Variants in TSHZ2 observed in about 807,000 individuals in gnomAD.
TSHZ2 encodes teashirt zinc finger homeobox 2.
A neutral mutation model predicts 74.4 loss-of-function variants in TSHZ2; 21 were observed. The ratio of observed to expected loss-of-function variants is 0.28; its 90% CI spans 0.20 to 0.41. TSHZ2 has a LOEUF of 0.41. Among genes scored for constraint, TSHZ2 ranks in the 10% least tolerant of loss-of-function variants. The pLI is 1.00. For synonymous variants in TSHZ2, 540 were observed against 515.3 expected (o/e 1.05, Z -0.65); for missense variants, 1,244 against 1,293.5 (o/e 0.96, Z 0.59).
chr20:53,238,699 G>A (rs759731328), intron 1 of TSHZ2, among the ~76,000 whole-genome samples: 15 of 151,898 alleles, frequency 9.9e-5, no homozygotes, highest in Non-Finnish European at 2.1e-4. Flanking sequence ...AGATGCACTG[G>A]GGTACCATGA....
chr20:53,096,024 G>T (rs1986032357), intron 1 of TSHZ2, among the ~76,000 whole-genome samples: 1 of 152,130 alleles, frequency 6.6e-6, no homozygotes, highest in Non-Finnish European at 1.5e-5. Flanking sequence ...ACCCCAAAGG[G>T]CCCAGCCAAT....
intron 1 of TSHZ2, among the ~76,000 whole-genome samples, chr20:53,169,778 G>T (rs1454784285): frequency 6.6e-6 from 1 of 152,168 alleles, no homozygotes; most frequent in African/African-American, 2.4e-5. Context: ...ATAGAAATTT[G>T]CATATCAATT....
chr20:53,062,958 C>T (rs1184427240), intron 1 of TSHZ2, among the ~76,000 whole-genome samples: 3 of 151,950 alleles, frequency 2.0e-5, no homozygotes, highest in Non-Finnish European at 4.4e-5. Context: ...TATTAATTGG[C>T]CCAATTTCCC....
intron 2 of TSHZ2, among the ~76,000 whole-genome samples, chr20:53,297,726 C>T (rs1991406282): frequency 6.6e-6 from 1 of 152,158 alleles, no homozygotes; most frequent in Admixed American, 6.5e-5. Flanking sequence ...TTGTCCAAGC[C>T]CCACTTTCCT....
intron 2 of TSHZ2, among the ~76,000 whole-genome samples, chr20:53,269,573 A>G (rs1459247670): frequency 6.6e-6 from 1 of 152,182 alleles, no homozygotes; most frequent in Admixed American, 6.5e-5. Context: ...TCATGATGAT[A>G]TGATGATGGT....
chr20:53,366,148 T>C (rs1292025043), intron 2 of TSHZ2, among the ~76,000 whole-genome samples: 1 of 152,180 alleles, frequency 6.6e-6, no homozygotes, highest in African/African-American at 2.4e-5. Flanking sequence ...AAGAGAGTTA[T>C]TTGGATCATT....
chr20:53,005,026 G>A (rs938168289), intron 1 of TSHZ2, among the ~76,000 whole-genome samples: 3 of 152,066 alleles, frequency 2.0e-5, no homozygotes, highest in Non-Finnish European at 4.4e-5. Context: ...AAGAAGCCAG[G>A]TTTAAGCCGG....
intron 2 of TSHZ2, among the ~76,000 whole-genome samples, chr20:53,484,593 C>A (rs1986245050): frequency 6.6e-6 from 1 of 151,962 alleles, no homozygotes. Flanking sequence ...GCCATGCTTA[C>A]TAGGCTGGTC....
chr20:53,213,524 G>T (rs1989360528), intron 1 of TSHZ2, among the ~76,000 whole-genome samples: 1 of 151,988 alleles, frequency 6.6e-6, no homozygotes, highest in Non-Finnish European at 1.5e-5. Context: ...AAGAAAAATT[G>T]AACTCTATAC....
chr20:53,445,716 A>G (rs1429717705), intron 2 of TSHZ2, among the ~76,000 whole-genome samples: 1 of 152,236 alleles, frequency 6.6e-6, no homozygotes, highest in Admixed American at 6.5e-5. Context: ...GCCAGTCTCC[A>G]GAAGTACAAT....
At chr20:53,270,881 G>T (rs562802627) in intron 2 of TSHZ2, among the ~76,000 whole-genome samples, 34 of 152,230 alleles carry the variant, frequency 2.2e-4, no homozygotes, top group African/African-American at 7.9e-4. Context: ...TTGTTCACCA[G>T]AGGATTTTGT....
chr20:53,259,093 C>G (rs1252534828), intron 2 of TSHZ2, among the ~76,000 whole-genome samples: 2 of 152,166 alleles, frequency 1.3e-5, no homozygotes, highest in Non-Finnish European at 2.9e-5. Context: ...TATGCAATAC[C>G]TTGCCCATTG....
intron 1 of TSHZ2, among the ~76,000 whole-genome samples, chr20:53,163,035 C>G (rs905615713): frequency 8.5e-5 from 13 of 152,068 alleles, no homozygotes; most frequent in Non-Finnish European, 1.5e-5. Flanking sequence ...CTCCATAGTC[C>G]TACTATACAG....
intron 2 of TSHZ2, among the ~76,000 whole-genome samples, chr20:53,480,724 C>T (rs930133957): frequency 3.9e-5 from 6 of 152,238 alleles, no homozygotes; most frequent in South Asian, 2.1e-4. Flanking sequence ...ATAAGACATG[C>T]CCTAAAAATG....
chr20:53,249,827 A>G (rs1259389259), intron 1 of TSHZ2, among the ~76,000 whole-genome samples: 2 of 152,162 alleles, frequency 1.3e-5, no homozygotes, highest in Non-Finnish European at 2.9e-5. Flanking sequence ...AGTGCAACAG[A>G]AAGACACTGC....
chr20:53,303,730 G>T (rs954687023), intron 2 of TSHZ2, among the ~76,000 whole-genome samples: 2 of 152,184 alleles, frequency 1.3e-5, no homozygotes, highest in African/African-American at 4.8e-5. Flanking sequence ...AAGAGAAGCA[G>T]CCTCTCTGTT....
intron 1 of TSHZ2, among the ~76,000 whole-genome samples, chr20:53,100,455 T>G (rs1986185417): frequency 1.3e-5 from 2 of 152,190 alleles, no homozygotes; most frequent in South Asian, 4.1e-4. Context: ...ATTAAACTTT[T>G]CAATAATGGA....
chr20:53,350,710 A>T (rs952854908), intron 2 of TSHZ2, among the ~76,000 whole-genome samples: 1 of 152,174 alleles, frequency 6.6e-6, no homozygotes, highest in African/African-American at 2.4e-5. Flanking sequence ...TGATATTGAG[A>T]GCTTTTACAG....
rs764914957 is a variant in TSHZ2, at chr20:53,255,302, G to A, written c.1844G>A (p.Gly615Glu). The change falls in exon 2 of 3, where the codon GGG becomes GAG. Residue 615 changes from glycine to glutamate, a missense_variant. Transcript: ENST00000371497. This position sits in a 1 kb window ranked among gnomAD's most constrained non-coding sequence, Gnocchi z 4.1. ...EDKDEAVKEC[G>E]KESPHEEASS... ...AAAGATGAAGCGGTGAAGGAGTGTG[G>A]GAAAGAAAGTCCCCACGAAGAGGCC... The A allele has an allele frequency of 8.7e-6, 14 of 1,614,028 alleles. No individual in the cohort carries two copies. The highest frequency in any genetic ancestry group is 1.2e-5 in the Non-Finnish European group (14 of 1,180,010).
Sources: allele counts gnomAD v4.1 joint callset (sites outside exome capture counted in the v4.1 genomes callset), GRCh38; gene constraint gnomAD v4.1.1; non-coding constraint Gnocchi (gnomAD v3.1); transcripts MANE v1.5; gene names NCBI Gene and HGNC (gene_info 2026-07-23, HGNC 2026-07-21).